ELANE: variants seen among roughly 807,000 people sequenced by gnomAD.
The protein encoded by ELANE is elastase, neutrophil expressed, also known as neutrophil elastase.
In ELANE, 12 loss-of-function variants were observed where a neutral mutation model predicts 20.6. The ratio of observed to expected loss-of-function variants is 0.58; its 90% CI spans 0.37 to 0.94. The LOEUF (loss-of-function observed/expected upper bound fraction) is 0.94, where lower values mean the gene tolerates loss of function less well. Ranked by LOEUF, ELANE falls within the 40% of genes least tolerant of loss-of-function variation. ELANE has a pLI of 0.01. For synonymous variants in ELANE, 203 were observed against 177.4 expected (o/e 1.14, Z -1.15); for missense variants, 388 against 395.2 (o/e 0.98, Z 0.15).
rs2035667799 is a variant in ELANE at position 855,720 on chromosome 19, A to T, written c.523A>T (p.Thr175Ser). The T allele has an allele frequency of 6.2e-7, 1 of 1,609,906 alleles. No individual in the cohort carries two copies. The highest frequency in any genetic ancestry group is 2.2e-5 in the East Asian group (1 of 44,868). Residue 175 changes from threonine (T) to serine (S), a missense_variant, in exon 4 of 5, where the codon ACG becomes TCG. Transcript: ENST00000263621. This position sits in a 1 kb window ranked among gnomAD's most constrained non-coding sequence, Gnocchi z 6.2. Reference sequence around the variant, plus strand: ...CAGCGTCCTGCAGGAGCTCAACGTGACGGTGGTGACGTCCCTCTGCCGTCG... The same window carrying T: ...CAGCGTCCTGCAGGAGCTCAACGTGTCGGTGGTGACGTCCCTCTGCCGTCG... ...IASVLQELNV[T>S]VVTSLCRRSN... is the part of the protein sequence containing the mutation.
Position 853,398 on chromosome 19 carries a change from C to T in ELANE, c.361C>T (p.Leu121Phe). ...PVNLLNDIVI[L>F]QLNGSATINA... ...AAACTTGCTCAACGACATCGTGATT[C>T]TCCAGGTGCCGCCGGGCGGGGCGGG... The change falls in exon 3 of 5, where the codon CTC becomes TTC. Residue 121 changes from leucine to phenylalanine, a missense_variant. By Grantham distance (22) the Leu-to-Phe change is conservative. Coordinates refer to ENST00000263621, the MANE Select transcript of ELANE (RefSeq NM_001972.4). 4 of 1,606,608 alleles carry T rather than the reference C, an allele frequency of 2.5e-6. No individual in the cohort carries two copies. Among genetic ancestry groups the T allele is most frequent in the Non-Finnish European group, 3.4e-6 (4 of 1,176,846 alleles).
Position 855,859 on chromosome 19 carries a change from CG to C in ELANE, c.597+66del. 1 of 1,603,938 alleles carries C rather than the reference CG, an allele frequency of 6.2e-7. No homozygotes were observed. The highest frequency in any genetic ancestry group is 8.5e-7 in the Non-Finnish European group (1 of 1,177,428). ...CAGCCCGGACTGCAGCAACAGGCAC[CG>C]TGGCTAGACCCTAGGAGGGACTTCC... On this transcript the variant is annotated intron_variant, in intron 4 of 4. Transcript: ENST00000263621. The surrounding 1 kb of genome is among the most constrained non-coding windows in gnomAD (Gnocchi z 6.2).
chr19:854,585 G>C (rs1322856459), intron 3 of ELANE, among the ~76,000 whole-genome samples: 1 of 150,712 alleles, frequency 6.6e-6, no homozygotes, highest in Non-Finnish European at 1.5e-5. Context: ...GCTTGGAATG[G>C]GGGGTAGCTG....
intron 3 of ELANE, among the ~76,000 whole-genome samples, chr19:854,307 G>C (rs2035640174): frequency 6.6e-6 from 1 of 151,970 alleles, no homozygotes; most frequent in African/African-American, 2.4e-5. Flanking sequence ...AATTAGCCGA[G>C]TGTGGTTGTG....
At chr19:853,584 G>A (rs1262468566) in intron 3 of ELANE, among the ~76,000 whole-genome samples, 181 bp downstream of exon 3, 1 of 152,212 alleles carries the variant, frequency 6.6e-6, no homozygotes, top group Non-Finnish European at 1.5e-5. Context: ...ACCCGCCATG[G>A]GCCGTTGAGG....
chr19:855,708 G>C lies in ELANE; in HGVS notation c.511G>C (p.Glu171Gln). The C allele has an allele frequency of 6.2e-7, 1 of 1,610,018 alleles. No individual in the cohort carries two copies. The highest frequency in any genetic ancestry group is 2.2e-5 in the East Asian group (1 of 44,876). Residue 171 changes from glutamate (E) to glutamine (Q), a missense_variant, in exon 4 of 5, where the codon GAG becomes CAG. By Grantham distance (29) the Glu-to-Gln change is conservative. Around this residue, in one of 3 missense-constraint regions of ELANE, gnomAD observed 321 missense variants for 309.8 expected, o/e 1.04. Coordinates refer to ENST00000263621, the MANE Select transcript of ELANE (RefSeq NM_001972.4). This position sits in a 1 kb window ranked among gnomAD's most constrained non-coding sequence, Gnocchi z 6.2. ...RNRGIASVLQELNVTVVTSLC... is the reference protein window; with the variant it reads ...RNRGIASVLQQLNVTVVTSLC... ...CCGTGGGATCGCCAGCGTCCTGCAG[G>C]AGCTCAACGTGACGGTGGTGACGTC...
In ELANE at chr19:853,528, G is replaced by A. The variant is rs576804561; in HGVS notation, c.366+125G>A. ...CTGGGGTGGCATCGTGGGCTGGGTG[G>A]TCCCCTCTCCGCGCCTCGGTCTGCA... On this transcript the variant is annotated intron_variant, in intron 3 of 4. Coordinates refer to ENST00000263621, the MANE Select transcript of ELANE (RefSeq NM_001972.4). The A allele has an allele frequency of 8.9e-4, 1,035 of 1,164,688 alleles. No homozygotes were observed. Among genetic ancestry groups the A allele is most frequent in the Non-Finnish European group, 1.1e-3 (895 of 826,526 alleles). The allele number at this position is 1,164,688 out of a possible 1,614,324, so 72.1% of individuals were successfully genotyped here. A position where few individuals can be genotyped will look rare whatever the true frequency, so the allele number is the denominator to read the frequency against.
Position 855,931 on chromosome 19 carries a change from G to A in ELANE, c.598-27G>A. 2 of 1,612,484 alleles carry A rather than the reference G, an allele frequency of 1.2e-6. No individual in the cohort carries two copies. Among genetic ancestry groups the A allele is most frequent in the Non-Finnish European group, 8.5e-7 (1 of 1,179,974 alleles). ...CAGGTGGGCAGGGCCTCGCAGTCCAGCTTCCCCACCTTGTCTGCCTCCACA... is the reference window on the plus strand; with the variant it reads ...CAGGTGGGCAGGGCCTCGCAGTCCAACTTCCCCACCTTGTCTGCCTCCACA... On this transcript the variant is annotated intron_variant, in intron 4 of 4. Coordinates refer to ENST00000263621, the MANE Select transcript of ELANE (RefSeq NM_001972.4). The surrounding 1 kb of genome is among the most constrained non-coding windows in gnomAD (Gnocchi z 6.2).
At chr19:852,541 C>A in intron 1 of ELANE, 146 bp downstream of exon 1, 1 of 981,508 alleles carries the variant, frequency 1.0e-6, no homozygotes, top group Non-Finnish European at 1.4e-6. Flanking sequence ...GACTGAGGTT[C>A]TGAGCGGTGA....
intron 2 of ELANE, 70 bp downstream of exon 2, chr19:853,102 G>A: frequency 2.7e-6 from 4 of 1,496,170 alleles, no homozygotes; most frequent in Non-Finnish European, 3.6e-6. Flanking sequence ...GTGGGGGGAG[G>A]CCGGGGCCGG....
chr19:854,331 C>A (rs868858565), intron 3 of ELANE, among the ~76,000 whole-genome samples: 20 of 151,974 alleles, frequency 1.3e-4, no homozygotes, highest in Middle Eastern at 3.4e-3. Flanking sequence ...GCCTGTAATG[C>A]CAACTACTCA....
At chr19:854,214 CG>C (rs1196138286) in intron 3 of ELANE, among the ~76,000 whole-genome samples, 2 of 151,896 alleles carry the variant, frequency 1.3e-5, no homozygotes, top group Admixed American at 1.3e-4. Context: ...GAGGCTGAGG[CG>C]GGTGGATCAC....
intron 3 of ELANE, among the ~76,000 whole-genome samples, chr19:854,695 T>A (rs2035647864): frequency 6.8e-6 from 1 of 146,106 alleles, no homozygotes; most frequent in African/African-American, 2.5e-5. Flanking sequence ...ATATTTTATT[T>A]AAATAAAATA....
intron 1 of ELANE, 152 bp from the exon 2 acceptor site, chr19:852,724 C>G (rs2035612925): frequency 8.4e-7 from 1 of 1,197,102 alleles, no homozygotes; most frequent in East Asian, 2.6e-5. Context: ...GGGGTGCGAA[C>G]GGCCCCGATC....
At position 855,639 on chromosome 19, in the gene ELANE, G is replaced by C; in HGVS notation, c.442G>C (p.Gly148Arg). The C allele has an allele frequency of 6.2e-7, 1 of 1,605,968 alleles. No individual in the cohort carries two copies. Among genetic ancestry groups the C allele is most frequent in the Non-Finnish European group, 8.5e-7 (1 of 1,179,836 alleles). ...GGCTCAGGGACGCCGCCTGGGCAAC[G>C]GGGTGCAGTGCCTGGCCATGGGCTG... The part of the protein sequence containing the change: ...LPAQGRRLGN[G>R]VQCLAMGWGL... Residue 148 changes from glycine to arginine, a missense_variant, in exon 4 of 5, where the codon GGG becomes CGG. Transcript: ENST00000263621. The surrounding 1 kb of genome is among the most constrained non-coding windows in gnomAD (Gnocchi z 6.2).
chr19:853,064 G>A (rs1423905699), intron 2 of ELANE, 32 bp downstream of exon 2: 11 of 1,533,274 alleles, frequency 7.2e-6, no homozygotes, highest in Admixed American at 1.9e-5. Flanking sequence ...CGCCCGGCTC[G>A]GACCCCGCGT....
chr19:852,418 C>G (rs201764469), intron 1 of ELANE, 23 bp downstream of exon 1: 22 of 1,605,628 alleles, frequency 1.4e-5, no homozygotes, highest in Non-Finnish European at 1.9e-5. Context: ...GTCCAACCTC[C>G]CGCTGCTCCC....
Position 856,167 on chromosome 19 carries a change from A to G in ELANE, c.*3A>G, listed in dbSNP as rs764763409. 6.2e-7 allele frequency: 1 copy of G among 1,612,784 alleles called. No individual in the cohort carries two copies. Among genetic ancestry groups the G allele is most frequent in the Non-Finnish European group, 8.5e-7 (1 of 1,180,014 alleles). Reference sequence around the variant, plus strand: ...ACCCGGCCAGCAGGACCCACTGAGAAGGGCTGCCCGGGTCACCTCAGCTGC... The same window carrying G: ...ACCCGGCCAGCAGGACCCACTGAGAGGGGCTGCCCGGGTCACCTCAGCTGC... On this transcript the variant is annotated 3_prime_UTR_variant, in exon 5 of 5. Coordinates refer to ENST00000263621, the MANE Select transcript of ELANE (RefSeq NM_001972.4).
intron 3 of ELANE, among the ~76,000 whole-genome samples, chr19:854,739 ATAT>A (rs1344389870): frequency 2.7e-5 from 4 of 146,190 alleles, no homozygotes; most frequent in Non-Finnish European, 6.0e-5. Context: ...AATTATAATA[ATAT>A]TTATATAATT....
Sources: gnomAD v4.1 joint callset for allele counts (sites outside exome capture counted in the v4.1 genomes callset) on GRCh38, gnomAD v4.1.1 for gene constraint, gnomAD v4.1.1 regional missense constraint, Gnocchi (gnomAD v3.1) non-coding constraint, MANE v1.5 for transcripts, NCBI Gene and HGNC (gene_info 2026-07-23, HGNC 2026-07-21) for gene names.